The following GSE1 variants were observed in gnomAD, a reference collection of about 807,000 sequenced individuals.
The protein encoded by GSE1 is Gse1 coiled-coil protein, also known as genetic suppressor element 1.
In GSE1, 32 loss-of-function variants were observed where a neutral mutation model predicts 112.6. That is an observed-to-expected ratio of 0.28 (90% CI 0.21 to 0.38). The LOEUF (loss-of-function observed/expected upper bound fraction) is 0.38. Ranked by LOEUF, GSE1 falls within the 10% of genes least tolerant of loss-of-function variation. The pLI, the probability that GSE1 is intolerant of heterozygous loss-of-function variation, is 1.00. For synonymous variants in GSE1, 1,115 were observed against 735.6 expected (o/e 1.52, Z -8.35); for missense variants, 2,348 against 1,699.2 (o/e 1.38, Z -6.71).
At chr16:85,281,846 C>T (rs977164004) in intron 1 of GSE1, among the ~76,000 whole-genome samples, 39 of 152,144 alleles carry the variant, frequency 2.6e-4, no homozygotes, top group African/African-American at 7.0e-4. Context: ...GGAAGCAAAG[C>T]GGAATAGATT....
intron 1 of GSE1, among the ~76,000 whole-genome samples, chr16:85,324,357 A>C (rs2046181301): frequency 6.6e-6 from 1 of 152,128 alleles, no homozygotes; most frequent in Non-Finnish European, 1.5e-5. Context: ...TAAAAATACA[A>C]AAATTAGCTG....
At chr16:85,482,999 A>G (rs1173012303) in intron 2 of GSE1, among the ~76,000 whole-genome samples, 1 of 125,856 alleles carries the variant, frequency 7.9e-6, no homozygotes, top group Non-Finnish European at 1.7e-5. Context: ...AAAAAAAAAT[A>G]CCAAACTCTC....
chr16:85,601,003 AGTGGGGGGGTTAG>A (rs1174021454), intron 1 of GSE1, among the ~76,000 whole-genome samples: 135 of 147,748 alleles, frequency 9.1e-4, no homozygotes, highest in Middle Eastern at 3.4e-3. Context: ...GGCTTCCACC[AGTGGGGGGGTTAG>A]AGCTGCCATC....
intron 1 of GSE1, among the ~76,000 whole-genome samples, chr16:85,276,365 C>A (rs1909361326): frequency 2.6e-5 from 4 of 152,220 alleles, no homozygotes; most frequent in Admixed American, 2.6e-4. Flanking sequence ...AGCCTCAGAG[C>A]TGGTACGCAC....
chr16:85,526,546 A>C (rs1430953334), intron 2 of GSE1, among the ~76,000 whole-genome samples: 2 of 152,224 alleles, frequency 1.3e-5, no homozygotes, highest in Admixed American at 1.3e-4. Flanking sequence ...AGGCTGGGTC[A>C]GCCGGGCAGG....
chr16:85,464,111 C>T (rs530726129), intron 2 of GSE1, among the ~76,000 whole-genome samples: 1 of 152,300 alleles, frequency 6.6e-6, no homozygotes, highest in South Asian at 2.1e-4. Flanking sequence ...CCCCTCCTGG[C>T]TGCCTCGCCT....
Position 85,399,765 on chromosome 16 carries a change from G to A in GSE1, c.2464+42122G>A, listed in dbSNP as rs527236549. ...CGGGGTGCACATTCTGCTGAGTTCGGGGGAAGAATGGATTAGGAATCTGTG... is the reference window on the plus strand; with the variant it reads ...CGGGGTGCACATTCTGCTGAGTTCGAGGGAAGAATGGATTAGGAATCTGTG... On this transcript the variant is annotated intron_variant, in intron 2 of 2. Coordinates refer to the GSE1 transcript ENST00000637419. Among the ~76,000 whole-genome samples the A allele has an allele frequency of 3.3e-5, 5 of 152,356 alleles. No homozygotes were observed. The East Asian group carries it at 9.6e-4, about 29-fold the overall frequency.
intron 13 of GSE1, among the ~76,000 whole-genome samples, chr16:85,667,714 C>T (rs1418843446): frequency 6.6e-6 from 1 of 152,170 alleles, no homozygotes; most frequent in African/African-American, 2.4e-5. Flanking sequence ...CAAAAATTAG[C>T]TGGGCATGGT....
chr16:85,170,660 C>T, exon 1 of GSE1: 3 of 985,686 alleles, frequency 3.0e-6, no homozygotes, highest in African/African-American at 3.5e-5. Flanking sequence ...CTGTCCCCGG[C>T]CTCGCACCAC....
intron 1 of GSE1, among the ~76,000 whole-genome samples, chr16:85,623,524 C>G (rs922628403): frequency 2.6e-5 from 4 of 152,208 alleles, no homozygotes; most frequent in Non-Finnish European, 5.9e-5. Context: ...TTTTCCAGCT[C>G]AGGACCAAGC....
chr16:85,647,624 G>T (rs751325006), intron 2 of GSE1, among the ~76,000 whole-genome samples: 4 of 152,144 alleles, frequency 2.6e-5, no homozygotes, highest in African/African-American at 4.8e-5. Context: ...GTCTCGCTCT[G>T]TCGCCAGGCT....
chr16:85,413,288 G>A (rs1391229496), intron 2 of GSE1, among the ~76,000 whole-genome samples: 1 of 152,182 alleles, frequency 6.6e-6, no homozygotes, highest in African/African-American at 2.4e-5. Context: ...GTTGAGGGTT[G>A]GGAAGCCAAG....
chr16:85,421,696 G>A (rs1552265), intron 2 of GSE1, among the ~76,000 whole-genome samples: 9,300 of 152,180 alleles, frequency 0.061, 385 homozygotes, highest in Admixed American at 0.12. Flanking sequence ...GTTCCTGCCT[G>A]GAGGGAGCCC....
At position 85,657,261 on chromosome 16, in the gene GSE1, G is replaced by A. The variant is rs747808788; in HGVS notation, c.1313-16G>A. 22 of 1,511,534 alleles carry A rather than the reference G, an allele frequency of 1.5e-5. No homozygotes were observed. Among genetic ancestry groups the A allele is most frequent in the East Asian group, 4.7e-5 (2 of 42,722 alleles). The allele number at this position is 1,511,534 out of a possible 1,614,324, so 93.6% of individuals were successfully genotyped here. Reference sequence around the variant, plus strand: ...CACGTGGCTGAGATCCTGCTTGACCGTGTTTCCCCCCACAGAGAAGCTGAA... The same window carrying A: ...CACGTGGCTGAGATCCTGCTTGACCATGTTTCCCCCCACAGAGAAGCTGAA... On this transcript the variant is annotated splice_polypyrimidine_tract_variant and intron_variant, in intron 7 of 15. Coordinates refer to ENST00000253458, the MANE Select transcript of GSE1 (RefSeq NM_014615.5).
chr16:85,497,023 C>T (rs1018395180), intron 2 of GSE1, among the ~76,000 whole-genome samples: 1 of 152,156 alleles, frequency 6.6e-6, no homozygotes, highest in Non-Finnish European at 1.5e-5. Flanking sequence ...CTCAGCCTCC[C>T]GAGTAGCTGG....
At chr16:85,169,741 G>A in exon 1 of GSE1, 1 of 983,742 alleles carries the variant, frequency 1.0e-6, no homozygotes, top group Non-Finnish European at 1.2e-6. Context: ...GCCGGCGCCC[G>A]GCGCGCGCGA....
intron 1 of GSE1, among the ~76,000 whole-genome samples, chr16:85,182,564 G>A (rs188071214): frequency 1.3e-5 from 2 of 152,286 alleles, no homozygotes; most frequent in Non-Finnish European, 2.9e-5. Flanking sequence ...TTTTCTGAGC[G>A]CCCAGGGGTG....
intron 2 of GSE1, among the ~76,000 whole-genome samples, chr16:85,647,119 G>A (rs937077433): frequency 1.3e-5 from 2 of 152,154 alleles, no homozygotes; most frequent in South Asian, 2.1e-4. Flanking sequence ...ACTCCTCCCC[G>A]TCCTCCCCGG....
chr16:85,367,397 G>A (rs2047206416), intron 2 of GSE1, among the ~76,000 whole-genome samples: 1 of 152,230 alleles, frequency 6.6e-6, no homozygotes, highest in Non-Finnish European at 1.5e-5. Flanking sequence ...TGCTGGGCAT[G>A]GGGGGCATAG....
Sources: allele counts gnomAD v4.1 joint callset (sites outside exome capture counted in the v4.1 genomes callset), GRCh38; gene constraint gnomAD v4.1.1; transcripts MANE v1.5; gene names NCBI Gene and HGNC (gene_info 2026-07-23, HGNC 2026-07-21).